Variants in MPPED2 observed in about 807,000 individuals in gnomAD.
MPPED2 encodes metallophosphoesterase MPPED2.
A neutral mutation model predicts 33.0 loss-of-function variants in MPPED2; 5 were observed. The ratio of observed to expected loss-of-function variants is 0.15; its 90% CI spans 0.08 to 0.32. The LOEUF (loss-of-function observed/expected upper bound fraction) is 0.32, where lower values mean the gene tolerates loss of function less well. MPPED2 is among the 10% of genes least tolerant of loss of function. The probability of loss-of-function intolerance (pLI) is 1.00; values close to 1 mark genes in which losing one functional copy is unlikely to be tolerated. For missense variants in MPPED2, 275 were observed against 372.1 expected (o/e 0.74, Z 2.15); for synonymous variants, 136 against 141.9 (o/e 0.96, Z 0.29).
intron 4 of MPPED2, among the ~76,000 whole-genome samples, chr11:30,474,490 T>C (rs1012052483): frequency 6.6e-6 from 1 of 152,184 alleles, no homozygotes. Flanking sequence ...GTGGTACCGA[T>C]GGGGTCCACC....
At chr11:30,478,895 C>T (rs1330401073) in intron 4 of MPPED2, among the ~76,000 whole-genome samples, 1 of 151,506 alleles carries the variant, frequency 6.6e-6, no homozygotes, top group Non-Finnish European at 1.5e-5. Flanking sequence ...TTGCTGTTCA[C>T]AATATGAGCA....
At chr11:30,402,649 A>T (rs1947925082) in intron 6 of MPPED2, among the ~76,000 whole-genome samples, 1 of 152,162 alleles carries the variant, frequency 6.6e-6, no homozygotes, top group Non-Finnish European at 1.5e-5. Flanking sequence ...GGTCAGGACC[A>T]TTTTCTCCTT....
chr11:30,437,485 C>T (rs369853292), intron 4 of MPPED2, among the ~76,000 whole-genome samples: 1 of 152,172 alleles, frequency 6.6e-6, no homozygotes, highest in Non-Finnish European at 1.5e-5. Flanking sequence ...AGGGGCTACT[C>T]TCTGTTTCTA....
chr11:30,445,535 T>C (rs1565074783), intron 4 of MPPED2, among the ~76,000 whole-genome samples: 1 of 152,206 alleles, frequency 6.6e-6, no homozygotes, highest in Non-Finnish European at 1.5e-5. Flanking sequence ...ACTCACATTA[T>C]TGTGCAACTA....
At chr11:30,410,221 G>C (rs527848374), downstream of MPPED2, 3 of 985,600 alleles carry the variant, frequency 3.0e-6, no homozygotes, top group Middle Eastern at 5.2e-4. Flanking sequence ...TAAACAGCAC[G>C]AATTTAAAAA....
chr11:30,389,080 A>G, intron 6 of MPPED2: 1 of 1,346,478 alleles, frequency 7.4e-7, no homozygotes, highest in Non-Finnish European at 9.7e-7. Flanking sequence ...ACCCCTCAGC[A>G]CCTCTCTAGA....
At chr11:30,498,793 G>A (rs904354942) in intron 3 of MPPED2, among the ~76,000 whole-genome samples, 3 of 152,070 alleles carry the variant, frequency 2.0e-5, no homozygotes, top group African/African-American at 7.2e-5. Flanking sequence ...AAAATAAGAG[G>A]TAATTTCAAG....
intron 3 of MPPED2, among the ~76,000 whole-genome samples, chr11:30,500,796 C>G (rs1377134397): frequency 6.6e-6 from 1 of 152,174 alleles, no homozygotes; most frequent in African/African-American, 2.4e-5. Flanking sequence ...AGTCCCGTAT[C>G]TTCAAAATGG....
At chr11:30,549,835 A>G (rs1306106737) in intron 2 of MPPED2, among the ~76,000 whole-genome samples, 1 of 152,164 alleles carries the variant, frequency 6.6e-6, no homozygotes, top group East Asian at 1.9e-4. Flanking sequence ...TACTTAGCTA[A>G]AGGGCATTGC....
intron 2 of MPPED2, among the ~76,000 whole-genome samples, chr11:30,550,426 C>T (rs1449242759): frequency 6.6e-6 from 1 of 152,120 alleles, no homozygotes; most frequent in Non-Finnish European, 1.5e-5. Context: ...AGCCAAAGCC[C>T]GTCAGTACTC....
At chr11:30,544,359 C>T (rs193042526) in intron 2 of MPPED2, among the ~76,000 whole-genome samples, 228 of 152,310 alleles carry the variant, frequency 1.5e-3, no homozygotes, top group Non-Finnish European at 2.7e-3. Context: ...TAATACTGTA[C>T]TGAGTGCCCA....
intron 3 of MPPED2, among the ~76,000 whole-genome samples, chr11:30,525,826 G>A (rs1954134370): frequency 6.6e-6 from 1 of 152,132 alleles, no homozygotes. Flanking sequence ...TAAATTAAAG[G>A]CATAATAATT....
At chr11:30,485,999 G>A (rs915586950) in intron 4 of MPPED2, among the ~76,000 whole-genome samples, 30 of 152,164 alleles carry the variant, frequency 2.0e-4, no homozygotes, top group African/African-American at 7.0e-4. Flanking sequence ...GATGTCCTGC[G>A]GCTCTGCAGA....
chr11:30,580,380 T>A lies in MPPED2; in HGVS notation c.-7A>T. On this transcript the variant is annotated 5_prime_UTR_variant, in exon 2 of 7. Coordinates refer to ENST00000358117, the MANE Select transcript of MPPED2 (RefSeq NM_001584.3). The stretch of plus-strand genomic sequence containing the variant: ...AAGGAATCCCATGTGCCATCCTTCC[T>A]CCCTATAGGCATGAGCAATTCACAA... 1.9e-6 allele frequency: 3 copies of A among 1,613,970 alleles called. No individual in the cohort carries two copies. The South Asian group carries it at 3.3e-5, about 18-fold the overall frequency.
intron 3 of MPPED2, among the ~76,000 whole-genome samples, chr11:30,503,530 T>A (rs1184944439): frequency 6.6e-6 from 1 of 152,156 alleles, no homozygotes; most frequent in Non-Finnish European, 1.5e-5. Context: ...ATCAGAGATC[T>A]GGTCAGCAAG....
At chr11:30,524,006 T>G (rs147120337) in intron 3 of MPPED2, among the ~76,000 whole-genome samples, 2,532 of 152,098 alleles carry the variant, frequency 0.017, 61 homozygotes, top group African/African-American at 0.058. Flanking sequence ...ATCCCAGCAC[T>G]TTGGGAGGCT....
chr11:30,407,754 G>A (rs1382711334), downstream of MPPED2, among the ~76,000 whole-genome samples: 4 of 152,026 alleles, frequency 2.6e-5, no homozygotes, highest in Non-Finnish European at 5.9e-5. Context: ...GCCTGCAGTC[G>A]CAGCTACTCA....
intron 3 of MPPED2, 137 bp from the exon 4 acceptor site, chr11:30,495,658 G>T (rs1310672843): frequency 3.1e-6 from 2 of 643,742 alleles, no homozygotes; most frequent in East Asian, 5.4e-5. Flanking sequence ...ATGTGAACTG[G>T]AATTTATGAC....
At chr11:30,565,939 C>A (rs373133242) in intron 2 of MPPED2, among the ~76,000 whole-genome samples, 2 of 151,862 alleles carry the variant, frequency 1.3e-5, no homozygotes, top group African/African-American at 4.8e-5. Context: ...ACTGTTATGA[C>A]GGTGTTATCT....
Sources: allele counts gnomAD v4.1 joint callset (sites outside exome capture counted in the v4.1 genomes callset), GRCh38; gene constraint gnomAD v4.1.1; transcripts MANE v1.5; gene names NCBI Gene and HGNC (gene_info 2026-07-23, HGNC 2026-07-21).